The following EVI5 variants were observed in gnomAD, a reference collection of about 807,000 sequenced individuals.
EVI5 encodes ecotropic viral integration site 5 protein homolog.
A neutral mutation model predicts 112.0 loss-of-function variants in EVI5; 73 were observed. The observed-to-expected ratio is 0.65, with a 90% CI of 0.54 to 0.79. The LOEUF (loss-of-function observed/expected upper bound fraction) is 0.79. Ranked by LOEUF, EVI5 falls within the 30% of genes least tolerant of loss-of-function variation. The probability of loss-of-function intolerance (pLI) is 0.00; values close to 1 mark genes in which losing one functional copy is unlikely to be tolerated. For synonymous variants in EVI5, 305 were observed against 319.9 expected (o/e 0.95, Z 0.50); for missense variants, 900 against 968.8 (o/e 0.93, Z 0.94).
At position 92,630,292 on chromosome 1, in the gene EVI5, A is replaced by C. The variant is rs551168374; in HGVS notation, c.1528-4358T>G. Among the ~76,000 whole-genome samples, 52 of 152,280 alleles carry C rather than the reference A, an allele frequency of 3.4e-4. 1 individual carries two copies. The highest frequency in any genetic ancestry group is 1.0e-3 in the African/African-American group (42 of 41,546). ...AGTTTACAGTCCCACCAACAGCGTA[A>C]AAGTGTTCCTATTTCTCCACATCCT... On this transcript the variant is annotated intron_variant, in intron 14 of 19. Coordinates refer to ENST00000684568, the MANE Select transcript of EVI5 (RefSeq NM_001350197.2).
At chr1:92,638,786 T>C (rs1172148602) in intron 13 of EVI5, among the ~76,000 whole-genome samples, 3 of 152,160 alleles carry the variant, frequency 2.0e-5, no homozygotes, top group Non-Finnish European at 4.4e-5. Flanking sequence ...ACAGTTTGTA[T>C]TACAGAGCCC....
intron 19 of EVI5, among the ~76,000 whole-genome samples, chr1:92,549,055 A>G (rs1428462005): frequency 1.3e-5 from 2 of 152,228 alleles, no homozygotes; most frequent in African/African-American, 4.8e-5. Flanking sequence ...TCCTAAGCCA[A>G]AAGAACAAAG....
intron 9 of EVI5, among the ~76,000 whole-genome samples, chr1:92,682,660 G>A (rs868031461): frequency 6.6e-6 from 1 of 152,122 alleles, no homozygotes; most frequent in African/African-American, 2.4e-5. Context: ...AGCTACTCAG[G>A]AGGCTGAGGC....
intron 19 of EVI5, among the ~76,000 whole-genome samples, chr1:92,521,491 G>C (rs1660920064): frequency 6.6e-6 from 1 of 152,156 alleles, no homozygotes; most frequent in Non-Finnish European, 1.5e-5. Context: ...AGGAGTTTGA[G>C]ACCAGCCTGG....
At chr1:92,624,107 T>C (rs1473385234) in intron 16 of EVI5, 69 bp downstream of exon 16, 4 of 1,352,462 alleles carry the variant, frequency 3.0e-6, no homozygotes, top group Middle Eastern at 2.3e-4. Flanking sequence ...CTAGGGATGA[T>C]ACAATCTGTG....
rs766997974 is a variant in EVI5 at position 92,695,406 on chromosome 1, A to G, written c.813T>C (p.His271=). 1 of 1,607,614 alleles carries G rather than the reference A, an allele frequency of 6.2e-7. No homozygotes were observed. Among genetic ancestry groups the G allele is most frequent in the South Asian group, 1.1e-5 (1 of 90,716 alleles). Reference sequence around the variant, plus strand: ...ACCAGGATGATGCATACATTGAGGTATGAAAACTCTGAGATTGAAAATGTA... The same window carrying G: ...ACCAGGATGATGCATACATTGAGGTGTGAAAACTCTGAGATTGAAAATGTA... ...LFVHFQSQSF[H]TSMYASSWFL... Residue 271 remains histidine (H), a synonymous_variant, in exon 7 of 20, where the codon CAT becomes CAC. Transcript: ENST00000684568.
chr1:92,758,853 AG>A (rs755691685), intron 1 of EVI5, among the ~76,000 whole-genome samples: 2 of 152,120 alleles, frequency 1.3e-5, no homozygotes, highest in Non-Finnish European at 2.9e-5. Context: ...CAAAAAAAAA[AG>A]GTGAAAGATG....
intron 14 of EVI5, among the ~76,000 whole-genome samples, chr1:92,635,692 C>T (rs940128430): frequency 6.6e-6 from 1 of 152,136 alleles, no homozygotes; most frequent in African/African-American, 2.4e-5. Flanking sequence ...CAATGAGATG[C>T]ACCTGGTACG....
intron 18 of EVI5, among the ~76,000 whole-genome samples, chr1:92,589,867 G>A (rs1347108027): frequency 3.3e-5 from 5 of 151,838 alleles, no homozygotes; most frequent in Non-Finnish European, 7.4e-5. Flanking sequence ...GCACCCCCCC[G>A]TATGGGCAGA....
intron 18 of EVI5, among the ~76,000 whole-genome samples, chr1:92,589,457 C>G (rs1042737721): frequency 1.3e-5 from 2 of 152,168 alleles, no homozygotes; most frequent in African/African-American, 4.8e-5. Context: ...AACAGCACAC[C>G]AGGAGATTGT....
Position 92,624,252 on chromosome 1 carries a change from G to T in EVI5, c.1751C>A (p.Thr584Asn), listed in dbSNP as rs1339317349. The part of the protein sequence containing the change: ...AMNELQDELM[T>N]IRLREAETQA... ...TGTTTCAGCTTCTCTAAGTCGAATG[G>T]TCATCAGTTCATCTTGTAACTCATT... Residue 584 changes from threonine (T) to asparagine (N), a missense_variant, in exon 16 of 20, where the codon ACC becomes AAC. Transcript: ENST00000684568. The T allele has an allele frequency of 6.2e-7, 1 of 1,611,992 alleles. No homozygotes were observed. The highest frequency in any genetic ancestry group is 8.5e-7 in the Non-Finnish European group (1 of 1,178,282).
chr1:92,628,206 G>A (rs1005682105), intron 14 of EVI5, among the ~76,000 whole-genome samples: 30 of 152,136 alleles, frequency 2.0e-4, no homozygotes, highest in Admixed American at 1.8e-3. Flanking sequence ...ATTTGAGTTC[G>A]TTGTAGATTC....
intron 18 of EVI5, among the ~76,000 whole-genome samples, chr1:92,593,865 G>A (rs1468145468): frequency 6.6e-6 from 1 of 152,184 alleles, no homozygotes; most frequent in Non-Finnish European, 1.5e-5. Flanking sequence ...GCTTACAAGG[G>A]ATGTGAAGGA....
intron 19 of EVI5, among the ~76,000 whole-genome samples, chr1:92,548,608 G>C (rs1338202044): frequency 6.6e-6 from 1 of 152,134 alleles, no homozygotes; most frequent in African/African-American, 2.4e-5. Flanking sequence ...CATCGTCTCA[G>C]CCCAAAATCT....
intron 1 of EVI5, among the ~76,000 whole-genome samples, chr1:92,737,298 T>C (rs1190360781): frequency 2.0e-5 from 3 of 152,134 alleles, no homozygotes; most frequent in Non-Finnish European, 4.4e-5. Context: ...TATTCAGAAA[T>C]AGAATGGGAT....
intron 18 of EVI5, among the ~76,000 whole-genome samples, chr1:92,567,248 TA>T (rs953412533): frequency 5.3e-5 from 8 of 152,176 alleles, no homozygotes; most frequent in Middle Eastern, 3.4e-3. Flanking sequence ...GTCAAAAAGT[TA>T]AAAAAAATTA....
intron 19 of EVI5, among the ~76,000 whole-genome samples, chr1:92,528,132 C>G (rs1456969737): frequency 6.6e-6 from 1 of 152,240 alleles, no homozygotes; most frequent in South Asian, 2.1e-4. Context: ...ACTGACCACA[C>G]TGAATAACTT....
At chr1:92,783,465 C>T (rs779889164) in intron 1 of EVI5, among the ~76,000 whole-genome samples, 6 of 107,208 alleles carry the variant, frequency 5.6e-5, no homozygotes, top group Non-Finnish European at 1.1e-4. Context: ...GCCTAGGCAA[C>T]AGAGTGAGAC....
Position 92,539,280 on chromosome 1 carries a change from C to G in EVI5, c.2166+24362G>C, listed in dbSNP as rs147692984. Among the ~76,000 whole-genome samples, 707 of 152,218 alleles carry G rather than the reference C, an allele frequency of 4.6e-3. 7 individuals are homozygous for G. The highest frequency in any genetic ancestry group is 0.016 in the African/African-American group (671 of 41,522). ...GAACCCGGCCGGGCGCAGTGGCTCA[C>G]GCCTATAATCCCAACACTTTGGGAG... On this transcript the variant is annotated intron_variant, in intron 19 of 19. Transcript: ENST00000684568.
Sources: allele counts gnomAD v4.1 joint callset (sites outside exome capture counted in the v4.1 genomes callset), GRCh38; gene constraint gnomAD v4.1.1; transcripts MANE v1.5; gene names NCBI Gene and HGNC (gene_info 2026-07-23, HGNC 2026-07-21).